SETD3: variants seen among roughly 807,000 people sequenced by gnomAD.
SETD3 encodes the protein actin-histidine N-methyltransferase.
In SETD3, 19 loss-of-function variants were observed where a neutral mutation model predicts 63.0. The ratio of observed to expected loss-of-function variants is 0.30; its 90% confidence interval spans 0.21 to 0.44. The LOEUF is 0.44. Among genes scored for constraint, SETD3 ranks in the 20% least tolerant of loss-of-function variants. The pLI, the probability that SETD3 is intolerant of heterozygous loss-of-function variation, is 1.00. For synonymous variants in SETD3, 286 were observed against 264.1 expected, an observed-to-expected ratio of 1.08 and a Z score of -0.80; for missense variants, 587 against 728.5, an observed-to-expected ratio of 0.81 and a Z score of 2.24.
rs961256715 is a variant in SETD3, at chr14:99,472,422, C to A, written c.-8-6609G>T. Among the ~76,000 whole-genome samples the A allele has an allele frequency of 2.2e-4, 33 of 152,204 alleles. 1 individual carries two copies. Among genetic ancestry groups the A allele is most frequent in the Non-Finnish European group, 1.3e-4 (9 of 68,006 alleles). ...CAACCTTATGGATTTAAATAACTACCCTTTTCATTTATGATTCAAAAGTCT... is the reference window on the plus strand; with the variant it reads ...CAACCTTATGGATTTAAATAACTACACTTTTCATTTATGATTCAAAAGTCT... On this transcript the variant is annotated intron_variant, in intron 1 of 12. Coordinates refer to ENST00000331768, the MANE Select transcript of SETD3 (RefSeq NM_032233.3).
intron 4 of SETD3, among the ~76,000 whole-genome samples, 173 bp from the exon 5 acceptor site, chr14:99,459,358 A>G (rs193192451): frequency 9.8e-5 from 15 of 152,378 alleles, no homozygotes; most frequent in Admixed American, 3.3e-4. Flanking sequence ...TCTTATAGTT[A>G]AATGAGTAGA....
intron 6 of SETD3, among the ~76,000 whole-genome samples, chr14:99,443,255 ATTTTTTTTTTTTT>A (rs996583091): frequency 9.2e-6 from 1 of 108,800 alleles, no homozygotes; most frequent in Non-Finnish European, 1.8e-5. Context: ...CTGAACTCCC[ATTTTTTTTTTTTT>A]TTTTTTTTTT....
chr14:99,426,611 T>A (rs1488218508), intron 6 of SETD3, among the ~76,000 whole-genome samples: 1 of 152,174 alleles, frequency 6.6e-6, no homozygotes, highest in Non-Finnish European at 1.5e-5. Flanking sequence ...ACTGACTCCA[T>A]ATTCACCATT....
intron 6 of SETD3, among the ~76,000 whole-genome samples, chr14:99,457,326 A>T (rs1333662017): frequency 1.3e-5 from 2 of 152,250 alleles, no homozygotes; most frequent in East Asian, 3.8e-4. Flanking sequence ...ACATATTTGA[A>T]GTGCTTGCTG....
At chr14:99,475,371 G>A (rs187221225) in intron 1 of SETD3, among the ~76,000 whole-genome samples, 1 of 152,230 alleles carries the variant, frequency 6.6e-6, no homozygotes, top group South Asian at 2.1e-4. Context: ...CAGAGAGAGC[G>A]TGTTATTCCT....
chr14:99,474,395 G>C (rs972305664), intron 1 of SETD3, among the ~76,000 whole-genome samples: 3 of 152,080 alleles, frequency 2.0e-5, no homozygotes, highest in African/African-American at 7.2e-5. Flanking sequence ...AAGAAGTCAA[G>C]GCAAGCAGGC....
intron 11 of SETD3, among the ~76,000 whole-genome samples, chr14:99,401,559 G>A (rs1891390004): frequency 6.6e-6 from 1 of 152,176 alleles, no homozygotes; most frequent in African/African-American, 2.4e-5. Flanking sequence ...AGGAACTAAA[G>A]AGAATCAACA....
intron 8 of SETD3, chr14:99,411,215 G>C (rs1216056318): frequency 6.6e-6 from 1 of 152,174 alleles, no homozygotes; most frequent in Non-Finnish European, 1.5e-5. Flanking sequence ...GGTTAGCAAT[G>C]TTTCTGCCAG....
chr14:99,474,639 C>T (rs1475134873), intron 1 of SETD3, among the ~76,000 whole-genome samples: 2 of 152,178 alleles, frequency 1.3e-5, no homozygotes, highest in Admixed American at 1.3e-4. Flanking sequence ...CCGAGGCGGA[C>T]GGATCGCCTG....
At position 99,413,047 on chromosome 14, in the gene SETD3, A is replaced by G; in HGVS notation, c.753T>C (p.Val251=). The G allele has an allele frequency of 1.2e-6, 2 of 1,611,084 alleles. No individual in the cohort carries two copies. Among genetic ancestry groups the G allele is most frequent in the Non-Finnish European group, 1.7e-6 (2 of 1,177,298 alleles). The change falls in exon 8 of 13, where the codon GTT becomes GTC. Residue 251 remains valine (V), a synonymous_variant. Transcript: ENST00000331768. ...YEDYRWAVSS[V]MTRQNQIPTE... ...TGGGAATTTGGTTTTGCCTCGTCATAACAGAAGAGACTGCCCACCTATAAC... is the reference window on the plus strand; with the variant it reads ...TGGGAATTTGGTTTTGCCTCGTCATGACAGAAGAGACTGCCCACCTATAAC...
rs190929798 is a variant in SETD3 at position 99,430,926 on chromosome 14, C to A, written c.676-16992G>T. Among the ~76,000 whole-genome samples, 653 of 152,338 alleles carry A rather than the reference C, an allele frequency of 4.3e-3. 5 individuals are homozygous for A. The highest frequency in any genetic ancestry group is 0.015 in the African/African-American group (618 of 41,584). ...CTCACTCAAATCAGCTCTAATCTAA[C>A]AGTAACAATAAAAGTAACAATGAAC... On this transcript the variant is annotated intron_variant, in intron 6 of 12. Transcript: ENST00000331768.
At position 99,407,009 on chromosome 14, in the gene SETD3, C is replaced by CA. The variant is rs1891719126; in HGVS notation, c.850-420_850-419insT. Among the ~76,000 whole-genome samples, 7 of 152,252 alleles carry CA rather than the reference C, an allele frequency of 4.6e-5. No homozygotes were observed. The South Asian group carries it at 1.4e-3, about 32-fold the overall frequency. ...ATTCATTTGCAAGTATTATCTTTAT[C>CA]TAATGTTTGGCCATTAAGAAATCCA... On this transcript the variant is annotated intron_variant, in intron 8 of 12. Transcript: ENST00000331768.
chr14:99,451,470 T>C (rs1566720435), intron 6 of SETD3, among the ~76,000 whole-genome samples: 1 of 152,182 alleles, frequency 6.6e-6, no homozygotes, highest in Non-Finnish European at 1.5e-5. Flanking sequence ...CAGTATGATG[T>C]TTCAGCAGCA....
intron 2 of SETD3, among the ~76,000 whole-genome samples, chr14:99,463,994 C>G (rs1895225179): frequency 6.6e-6 from 1 of 152,196 alleles, no homozygotes; most frequent in Non-Finnish European, 1.5e-5. Context: ...AAAAGTCAAC[C>G]TTTCTTTTTA....
intron 1 of SETD3, among the ~76,000 whole-genome samples, chr14:99,473,823 A>G (rs1257341088): frequency 6.6e-6 from 1 of 152,244 alleles, no homozygotes; most frequent in African/African-American, 2.4e-5. Flanking sequence ...GGCACTCCCA[A>G]ACTGAAAAGG....
intron 6 of SETD3, among the ~76,000 whole-genome samples, chr14:99,430,534 G>A (rs1164654219): frequency 6.6e-6 from 1 of 152,182 alleles, no homozygotes; most frequent in Non-Finnish European, 1.5e-5. Context: ...GTTCCTCAGG[G>A]TATTTAATAC....
Position 99,399,578 on chromosome 14 carries a change from G to A in SETD3, c.1339-453C>T, listed in dbSNP as rs531109902. On this transcript the variant is annotated intron_variant, in intron 12 of 12. Transcript: ENST00000331768. ...AATGAAAACATGTTTGTGAAATCAC[G>A]TGAATTATAAATTATAAAAAAGTAT... is the stretch of plus-strand genomic sequence containing the variant. 2.5e-4 allele frequency among the ~76,000 whole-genome samples: 38 copies of A among 152,082 alleles called. 2 individuals are homozygous for A. The East Asian group carries it at 2.5e-3, about 10-fold the overall frequency.
chr14:99,479,254 G>A, intron 1 of SETD3, among the ~76,000 whole-genome samples: 1 of 152,204 alleles, frequency 6.6e-6, no homozygotes, highest in South Asian at 2.1e-4. Context: ...CCAATAAAGA[G>A]GTTCTGTAGC....
At chr14:99,435,636 A>G (rs907594228) in intron 6 of SETD3, among the ~76,000 whole-genome samples, 3 of 152,158 alleles carry the variant, frequency 2.0e-5, no homozygotes, top group Non-Finnish European at 4.4e-5. Context: ...CTATTTGTAA[A>G]ACATGCACTT....
Sources: allele counts gnomAD v4.1 joint callset (sites outside exome capture counted in the v4.1 genomes callset), GRCh38; gene constraint gnomAD v4.1.1; transcripts MANE v1.5; gene names NCBI Gene and HGNC (gene_info 2026-07-23, HGNC 2026-07-21).